ACOT12: variants seen among roughly 807,000 people sequenced by gnomAD.
ACOT12 encodes the protein acyl-CoA thioesterase 12, also known as acetyl-coenzyme A thioesterase.
A neutral mutation model predicts 67.7 loss-of-function variants in ACOT12; 51 were observed. That is an observed-to-expected ratio of 0.75 (90% confidence interval 0.60 to 0.95). ACOT12 has a LOEUF of 0.95. ACOT12 is among the 40% of genes least tolerant of loss of function. The pLI, the probability that ACOT12 is intolerant of heterozygous loss-of-function variation, is 0.00. For missense variants in ACOT12, 734 were observed against 708.1 expected, an observed-to-expected ratio of 1.04 and a Z score of -0.41; for synonymous variants, 251 against 244.6, an observed-to-expected ratio of 1.03 and a Z score of -0.24.
intron 1 of ACOT12, among the ~76,000 whole-genome samples, chr5:81,392,691 G>A (rs1341783864): frequency 1.3e-5 from 2 of 151,706 alleles, no homozygotes; most frequent in Non-Finnish European, 2.9e-5. Context: ...TTTTTCCTAT[G>A]TGTGGATTAA....
At chr5:81,321,194 T>A in the ACOT12 span, among the ~76,000 whole-genome samples, 1 of 152,162 alleles carries the variant, frequency 6.6e-6, no homozygotes, top group Non-Finnish European at 1.5e-5. Context: ...AGGTCAAGGC[T>A]GCAGTAAGCT....
At chr5:81,384,856 A>G (rs1024999054) in intron 2 of ACOT12, among the ~76,000 whole-genome samples, 2 of 152,292 alleles carry the variant, frequency 1.3e-5, no homozygotes, top group East Asian at 1.9e-4. Context: ...TGCTATAGCT[A>G]GGGGTGAAGG....
At chr5:81,344,555 T>C (rs556555413) in intron 8 of ACOT12, among the ~76,000 whole-genome samples, 172 of 152,298 alleles carry the variant, frequency 1.1e-3, no homozygotes, top group African/African-American at 4.0e-3. Context: ...GGGAAAGATA[T>C]GGTTTCCATG....
At chr5:81,311,342 C>T in the ACOT12 span, 2 of 1,504,982 alleles carry the variant, frequency 1.3e-6, no homozygotes, top group Non-Finnish European at 1.8e-6. Context: ...TTTTATTCTG[C>T]ACTTGTTATT....
the ACOT12 span, among the ~76,000 whole-genome samples, chr5:81,323,851 C>T: frequency 9.3e-5 from 13 of 139,718 alleles, no homozygotes; most frequent in Admixed American, 7.6e-4. Flanking sequence ...TGTATATGTA[C>T]ATGTATATGC....
intron 11 of ACOT12, among the ~76,000 whole-genome samples, chr5:81,338,391 T>A (rs1400651070): frequency 1.3e-5 from 2 of 152,014 alleles, no homozygotes; most frequent in African/African-American, 4.8e-5. Flanking sequence ...AGTGAGTGAG[T>A]TCTCATGAGA....
the ACOT12 span, chr5:81,313,334 A>C: frequency 7.9e-5 from 12 of 152,210 alleles, no homozygotes; most frequent in Non-Finnish European, 1.3e-4. Context: ...TAAAATTGAA[A>C]TATCTCAGTT....
intron 13 of ACOT12, among the ~76,000 whole-genome samples, chr5:81,331,705 A>T (rs1404237173): frequency 1.3e-5 from 2 of 152,248 alleles, no homozygotes; most frequent in African/African-American, 4.8e-5. Flanking sequence ...TAGACTTTTT[A>T]AAATAAGTGT....
At chr5:81,322,459 A>G in the ACOT12 span, among the ~76,000 whole-genome samples, 4 of 13,602 alleles carry the variant, frequency 2.9e-4, no homozygotes, top group Admixed American at 1.5e-3. Flanking sequence ...CTCTGTCTCA[A>G]AAAATAAACA....
chr5:81,361,002 C>G (rs956097584), intron 4 of ACOT12, among the ~76,000 whole-genome samples: 24 of 141,762 alleles, frequency 1.7e-4, no homozygotes, highest in African/African-American at 5.7e-4. Flanking sequence ...CGCTTGAACC[C>G]AGGAGAAGGA....
chr5:81,337,645 C>A (rs1017259413), intron 11 of ACOT12, among the ~76,000 whole-genome samples: 16 of 152,274 alleles, frequency 1.1e-4, no homozygotes, highest in African/African-American at 3.9e-4. Flanking sequence ...CAAAGACTGA[C>A]AGAAAATCAC....
intron 5 of ACOT12, among the ~76,000 whole-genome samples, chr5:81,350,538 A>G (rs559928969): frequency 2.6e-5 from 4 of 152,064 alleles, no homozygotes; most frequent in Non-Finnish European, 5.9e-5. Flanking sequence ...TTTCACTAGG[A>G]TCTCATATTG....
chr5:81,392,558 T>C (rs781022614), intron 1 of ACOT12, among the ~76,000 whole-genome samples: 3 of 152,176 alleles, frequency 2.0e-5, no homozygotes, highest in Non-Finnish European at 4.4e-5. Context: ...TGTTTCTCCA[T>C]CACAAGACAG....
chr5:81,365,271 T>C (rs1244023403), intron 3 of ACOT12, among the ~76,000 whole-genome samples: 2 of 152,248 alleles, frequency 1.3e-5, no homozygotes, highest in South Asian at 4.1e-4. Flanking sequence ...CTTTACTGTG[T>C]ACACCATGTA....
chr5:81,342,790 G>A lies in ACOT12; in HGVS notation c.1045-35C>T, dbSNP rs375596224. On this transcript the variant is annotated intron_variant, in intron 10 of 14. Transcript: ENST00000307624. ...AAATATTATATTTTTAAAGCTATGT[G>A]TTCAATACATGGATGTGTGATCATA... 8.7e-5 allele frequency: 138 copies of A among 1,591,184 alleles called. No individual in the cohort carries two copies. In the African/African-American group the frequency reaches 1.8e-3, roughly 21 times the overall value.
At chr5:81,356,331 C>T (rs56020218) in intron 5 of ACOT12, among the ~76,000 whole-genome samples, 23,107 of 152,036 alleles carry the variant, frequency 0.15, 1,878 homozygotes, top group Non-Finnish European at 0.17. Context: ...ACTCTGCTGC[C>T]TTGGCGTGTG....
chr5:81,357,348 A>C (rs537262825), intron 5 of ACOT12, among the ~76,000 whole-genome samples: 12 of 152,256 alleles, frequency 7.9e-5, no homozygotes, highest in African/African-American at 2.9e-4. Context: ...TTATACCTCT[A>C]GTGGCAAGCA....
At chr5:81,336,650 G>T (rs1759012825) in intron 11 of ACOT12, among the ~76,000 whole-genome samples, 1 of 152,146 alleles carries the variant, frequency 6.6e-6, no homozygotes, top group South Asian at 2.1e-4. Context: ...TGTGTGTTCA[G>T]CTAAGAACAC....
At chr5:81,343,745 G>T in intron 10 of ACOT12, 73 bp downstream of exon 10, 1 of 1,491,802 alleles carries the variant, frequency 6.7e-7, no homozygotes. Context: ...GCCTAGGCCA[G>T]TTAGGCAAGC....
Sources: allele counts gnomAD v4.1 joint callset (sites outside exome capture counted in the v4.1 genomes callset), GRCh38; gene constraint gnomAD v4.1.1; transcripts MANE v1.5; gene names NCBI Gene and HGNC (gene_info 2026-07-23, HGNC 2026-07-21).